LEF1: variants seen among roughly 807,000 people sequenced by gnomAD.
The protein encoded by LEF1 is lymphoid enhancer-binding factor 1.
LEF1 carries 14 observed loss-of-function variants against 51.2 expected under a neutral mutation model. The ratio of observed to expected loss-of-function variants is 0.27; its 90% CI spans 0.18 to 0.43. The LOEUF is 0.43. Ranked by LOEUF, LEF1 falls within the 20% of genes least tolerant of loss-of-function variation. LEF1 has a pLI of 1.00. For missense variants in LEF1, 386 were observed against 512.0 expected (o/e 0.75, Z 2.37); for synonymous variants, 185 against 183.2 (o/e 1.01, Z -0.08).
chr4:108,132,659 C>CTCTTTTTTTTTTTTT (rs1742970094), intron 3 of LEF1, among the ~76,000 whole-genome samples: 1 of 47,438 alleles, frequency 2.1e-5, no homozygotes, highest in Non-Finnish European at 3.6e-5. Context: ...GAAAATCTGC[C>CTCTTTTTTTTTTTTT]TTTTTTTTTT....
intron 3 of LEF1, among the ~76,000 whole-genome samples, chr4:108,142,479 A>G (rs1242997890): frequency 6.6e-6 from 1 of 152,148 alleles, no homozygotes; most frequent in Non-Finnish European, 1.5e-5. Flanking sequence ...ATACATCAAC[A>G]CTAGTATCCT....
chr4:108,167,402 C>T lies in LEF1; in HGVS notation c.213+153G>A, dbSNP rs1053321632. On this transcript the variant is annotated intron_variant, in intron 1 of 11. Coordinates refer to ENST00000265165, the MANE Select transcript of LEF1 (RefSeq NM_016269.5). This position sits in a 1 kb window ranked among gnomAD's most constrained non-coding sequence, Gnocchi z 5.7. ...CACACACACACACACACACTGCGGA[C>T]CGGGGGCCCAGCTACGCACACACCC... The T allele has an allele frequency of 3.1e-6, 2 of 649,836 alleles. No individual in the cohort carries two copies. Among genetic ancestry groups the T allele is most frequent in the Non-Finnish European group, 2.7e-6 (1 of 373,826 alleles). 40.3% of individuals were successfully genotyped at this position (649,836 alleles called of 1,614,324 possible).
At chr4:108,081,303 C>T (rs942108823) in intron 6 of LEF1, among the ~76,000 whole-genome samples, 1 of 152,140 alleles carries the variant, frequency 6.6e-6, no homozygotes, top group Non-Finnish European at 1.5e-5. Flanking sequence ...GGACAGTTCC[C>T]ATCCCACAGT....
intron 11 of LEF1, among the ~76,000 whole-genome samples, chr4:108,062,122 A>G (rs910859592): frequency 3.3e-5 from 5 of 152,210 alleles, no homozygotes; most frequent in African/African-American, 1.2e-4. Flanking sequence ...CAGGTAAGGA[A>G]AATGAAGATT....
chr4:108,049,164 A>G (rs1237942979), intron 11 of LEF1, among the ~76,000 whole-genome samples: 1 of 152,230 alleles, frequency 6.6e-6, no homozygotes, highest in Admixed American at 6.5e-5. Context: ...AAGCCACTGT[A>G]TGATTCTACA....
intron 3 of LEF1, among the ~76,000 whole-genome samples, chr4:108,093,209 G>T (rs1271075293): frequency 6.6e-6 from 1 of 152,156 alleles, no homozygotes; most frequent in Non-Finnish European, 1.5e-5. Flanking sequence ...CACAACTCCA[G>T]TAACGCAGGG....
chr4:108,165,273 C>A, intron 1 of LEF1, 110 bp from the exon 2 acceptor site: 1 of 974,166 alleles, frequency 1.0e-6, no homozygotes, highest in Non-Finnish European at 1.7e-6. Flanking sequence ...GGTTTAGGGG[C>A]AACTCTGTTT....
chr4:108,145,727 A>C (rs1224682137), intron 3 of LEF1, among the ~76,000 whole-genome samples: 2 of 152,242 alleles, frequency 1.3e-5, no homozygotes, highest in Non-Finnish European at 2.9e-5. Flanking sequence ...AGCCAGTCAC[A>C]AAGGACTACA....
intron 4 of LEF1, among the ~76,000 whole-genome samples, chr4:108,087,677 C>T (rs1385599233): frequency 6.6e-6 from 1 of 152,160 alleles, no homozygotes; most frequent in Non-Finnish European, 1.5e-5. Context: ...ACAGGGTAAG[C>T]ACTATTTAAT....
At chr4:108,137,106 T>C (rs756896714) in intron 3 of LEF1, among the ~76,000 whole-genome samples, 8 of 152,236 alleles carry the variant, frequency 5.3e-5, no homozygotes, top group Non-Finnish European at 5.9e-5. Flanking sequence ...CTTCAAACAG[T>C]ACAGAATTTT....
intron 3 of LEF1, among the ~76,000 whole-genome samples, chr4:108,131,094 C>T (rs1742858270): frequency 6.6e-6 from 1 of 151,948 alleles, no homozygotes; most frequent in Non-Finnish European, 1.5e-5. Context: ...TCCGCCTCAG[C>T]CGCCAGAGCA....
At chr4:108,145,051 C>T (rs1743915924) in intron 3 of LEF1, among the ~76,000 whole-genome samples, 1 of 152,074 alleles carries the variant, frequency 6.6e-6, no homozygotes, top group African/African-American at 2.4e-5. Context: ...TTGGTTATCC[C>T]ACATCATACA....
intron 8 of LEF1, among the ~76,000 whole-genome samples, chr4:108,074,777 G>T (rs186800631): frequency 2.6e-5 from 4 of 152,132 alleles, no homozygotes; most frequent in Non-Finnish European, 4.4e-5. Flanking sequence ...CATCCTTTAG[G>T]ACACATGCTC....
intron 3 of LEF1, among the ~76,000 whole-genome samples, chr4:108,141,235 C>T (rs532067382): frequency 6.6e-6 from 1 of 152,316 alleles, no homozygotes; most frequent in Non-Finnish European, 1.5e-5. Context: ...TCTGTACATA[C>T]AAATATTCAC....
chr4:108,049,184 C>T (rs1288247661), intron 11 of LEF1, among the ~76,000 whole-genome samples: 1 of 152,234 alleles, frequency 6.6e-6, no homozygotes, highest in African/African-American at 2.4e-5. Flanking sequence ...ATAGGACAGA[C>T]ATAATCACAT....
chr4:108,091,392 T>C (rs1432636149), intron 3 of LEF1, among the ~76,000 whole-genome samples: 5 of 151,644 alleles, frequency 3.3e-5, no homozygotes, highest in Non-Finnish European at 5.9e-5. Context: ...ATAAGAAAAA[T>C]TAGTAATTCT....
At chr4:108,155,775 G>A (rs879059300) in intron 3 of LEF1, among the ~76,000 whole-genome samples, 2 of 152,138 alleles carry the variant, frequency 1.3e-5, no homozygotes, top group African/African-American at 2.4e-5. Flanking sequence ...ATGGAGACCC[G>A]ACATTAGATC....
chr4:108,136,487 T>A (rs1397590023), intron 3 of LEF1, among the ~76,000 whole-genome samples: 1 of 151,234 alleles, frequency 6.6e-6, no homozygotes. Context: ...TTTTTTAAAC[T>A]TTAGATGCTT....
At chr4:108,159,145 T>C (rs1460300470) in intron 3 of LEF1, among the ~76,000 whole-genome samples, 3 of 152,150 alleles carry the variant, frequency 2.0e-5, no homozygotes, top group African/African-American at 7.2e-5. Context: ...CTGGCACACT[T>C]AAATAAGCAA....
Sources: gnomAD v4.1 joint callset for allele counts (sites outside exome capture counted in the v4.1 genomes callset) on GRCh38, gnomAD v4.1.1 for gene constraint, Gnocchi (gnomAD v3.1) non-coding constraint, MANE v1.5 for transcripts, NCBI Gene and HGNC (gene_info 2026-07-23, HGNC 2026-07-21) for gene names.